Variants in RABEP1 observed in about 807,000 individuals in gnomAD.
The protein encoded by RABEP1 is rab GTPase-binding effector protein 1.
RABEP1 carries 51 observed loss-of-function variants against 123.4 expected under a neutral mutation model. The observed-to-expected ratio is 0.41, with a 90% confidence interval of 0.33 to 0.52. RABEP1 has a LOEUF of 0.52. Ranked by LOEUF, RABEP1 falls within the 20% of genes least tolerant of loss-of-function variation. The pLI, the probability that RABEP1 is intolerant of heterozygous loss-of-function variation, is 0.16. For synonymous variants in RABEP1, 347 were observed against 355.2 expected, an observed-to-expected ratio of 0.98 and a Z score of 0.26; for missense variants, 888 against 996.3, an observed-to-expected ratio of 0.89 and a Z score of 1.46.
chr17:5,286,551 G>A (rs557626625), intron 1 of RABEP1, among the ~76,000 whole-genome samples: 3 of 152,230 alleles, frequency 2.0e-5, no homozygotes, highest in East Asian at 1.9e-4. Flanking sequence ...ATTCTATGCC[G>A]AATCCTATGC....
rs552584846 is a variant in RABEP1 at position 5,386,122 on chromosome 17, A to G, written c.*2899A>G. On this transcript the variant is annotated 3_prime_UTR_variant, in exon 18 of 18. Transcript: ENST00000537505. ...AAGGTCATCAAAACACCTTTTTATA[A>G]ATTAGATAATTCTACCTGTTTTACA... 6 of 1,019,042 alleles carry G rather than the reference A, an allele frequency of 5.9e-6. No individual in the cohort carries two copies. The African/African-American group carries it at 9.9e-5, about 17-fold the overall frequency. 63.1% of individuals were successfully genotyped at this position (1,019,042 alleles called of 1,614,324 possible). A position where few individuals can be genotyped will look rare whatever the true frequency, so the allele number is the denominator to read the frequency against.
chr17:5,354,490 G>C lies in RABEP1; in HGVS notation c.1095G>C (p.Glu365Asp). 1 of 1,599,578 alleles carries C rather than the reference G, an allele frequency of 6.3e-7. No homozygotes were observed. Among genetic ancestry groups the C allele is most frequent in the Non-Finnish European group, 8.5e-7 (1 of 1,176,006 alleles). The change falls in exon 8 of 18, where the codon GAG becomes GAC. Residue 365 changes from glutamate (E) to aspartate (D), a missense_variant and splice_region_variant. Physicochemically the swap from Glu to Asp is conservative, Grantham distance 45 (BLOSUM62 2). Coordinates refer to ENST00000537505, the MANE Select transcript of RABEP1 (RefSeq NM_004703.6). ...CTTCAGCCCAGTTATCAAATGAAGAGGTATAGTGAGTCTATAATTAAAGTC... is the reference window on the plus strand; with the variant it reads ...CTTCAGCCCAGTTATCAAATGAAGACGTATAGTGAGTCTATAATTAAAGTC... ...EESSAQLSNE[E>D]EHLDSTRGSV...
At chr17:5,312,887 A>C (rs927948427) in intron 2 of RABEP1, among the ~76,000 whole-genome samples, 5 of 152,098 alleles carry the variant, frequency 3.3e-5, no homozygotes, top group Non-Finnish European at 7.4e-5. Context: ...CGGGTGGATC[A>C]CCTGAGGTCA....
intron 7 of RABEP1, among the ~76,000 whole-genome samples, chr17:5,352,442 C>T (rs1041347753): frequency 6.6e-6 from 1 of 151,812 alleles, no homozygotes; most frequent in Non-Finnish European, 1.5e-5. Context: ...ATCTGCCCGT[C>T]TCGGCCTCCC....
At chr17:5,327,984 G>C (rs1906143692) in intron 2 of RABEP1, among the ~76,000 whole-genome samples, 1 of 152,178 alleles carries the variant, frequency 6.6e-6, no homozygotes, top group South Asian at 2.1e-4. Flanking sequence ...TTTCACACCT[G>C]ATACCTGTGA....
intron 2 of RABEP1, among the ~76,000 whole-genome samples, chr17:5,309,888 G>A (rs1324882226): frequency 1.3e-5 from 2 of 152,110 alleles, no homozygotes; most frequent in Non-Finnish European, 2.9e-5. Context: ...AAATGTTTGG[G>A]TCCCACCCAG....
chr17:5,367,199 A>G (rs1910075023), intron 11 of RABEP1, among the ~76,000 whole-genome samples: 2 of 152,032 alleles, frequency 1.3e-5, no homozygotes. Flanking sequence ...CCTATATTAT[A>G]GAGGTTTTAT....
intron 1 of RABEP1, among the ~76,000 whole-genome samples, chr17:5,295,388 CAAAA>C (rs34686821): frequency 1.7e-5 from 2 of 120,406 alleles, no homozygotes; most frequent in Non-Finnish European, 1.8e-5. Flanking sequence ...GATTCCGTCT[CAAAA>C]AAAAAAAAAA....
At chr17:5,285,842 T>C (rs1484942946) in intron 1 of RABEP1, among the ~76,000 whole-genome samples, 2 of 118,234 alleles carry the variant, frequency 1.7e-5, no homozygotes, top group Non-Finnish European at 3.3e-5. Flanking sequence ...GTTGTAGGCC[T>C]TCTTCATTCT....
At chr17:5,308,623 A>G (rs1304728790) in intron 1 of RABEP1, 71 bp from the exon 2 acceptor site, 2 of 1,391,564 alleles carry the variant, frequency 1.4e-6, no homozygotes, top group African/African-American at 1.5e-5. Context: ...TACAGCTAGA[A>G]TACTAATTTA....
chr17:5,347,410 AAAACAAACAAACAAAC>A (rs72095260), intron 6 of RABEP1, among the ~76,000 whole-genome samples: 110 of 150,338 alleles, frequency 7.3e-4, no homozygotes, highest in East Asian at 5.1e-3. Flanking sequence ...ACTTCATCTC[AAAACAAACAAACAAAC>A]AAACAAACAA....
chr17:5,309,252 T>C (rs1450052911), intron 2 of RABEP1, among the ~76,000 whole-genome samples: 2 of 152,220 alleles, frequency 1.3e-5, no homozygotes, highest in African/African-American at 2.4e-5. Context: ...GACATTATAC[T>C]TGTGTTGGGT....
At position 5,373,433 on chromosome 17, in the gene RABEP1, C is replaced by A. The variant is rs760881230; in HGVS notation, c.2004C>A (p.Phe668Leu). The A allele has an allele frequency of 1.2e-6, 2 of 1,612,176 alleles. No individual in the cohort carries two copies. Among genetic ancestry groups the A allele is most frequent in the South Asian group, 2.2e-5 (2 of 90,720 alleles). Residue 668 changes from phenylalanine (F) to leucine (L), a missense_variant, in exon 13 of 18, where the codon TTC becomes TTA. Transcript: ENST00000537505. The part of the protein sequence containing the change: ...LHVSLQQAED[F>L]ILPDTTEALR... ...TGTCATTACAGCAAGCAGAAGACTT[C>A]ATCCTCCCAGACACTACAGAGGTAA...
At chr17:5,294,633 CT>C (rs1185209680) in intron 1 of RABEP1, among the ~76,000 whole-genome samples, 23 of 53,020 alleles carry the variant, frequency 4.3e-4, no homozygotes, top group South Asian at 2.3e-3. Flanking sequence ...ACGGTATTGT[CT>C]TTTTTTTTTT....
intron 11 of RABEP1, among the ~76,000 whole-genome samples, chr17:5,366,814 G>A (rs1910033345): frequency 1.3e-5 from 2 of 151,790 alleles, no homozygotes; most frequent in South Asian, 4.2e-4. Context: ...ATTTGGCCGG[G>A]CACGGTGGCT....
chr17:5,320,818 G>GA (rs1187128643), intron 2 of RABEP1, among the ~76,000 whole-genome samples: 2 of 152,122 alleles, frequency 1.3e-5, no homozygotes, highest in African/African-American at 4.8e-5. Context: ...CATACTACCA[G>GA]AAAAAATCAC....
intron 12 of RABEP1, among the ~76,000 whole-genome samples, chr17:5,372,315 C>T (rs1316819652): frequency 1.3e-5 from 2 of 152,002 alleles, no homozygotes; most frequent in East Asian, 1.9e-4. Flanking sequence ...CGTGGTGGTG[C>T]GTGCCTGTAG....
chr17:5,333,865 A>G (rs1334890348), intron 3 of RABEP1, among the ~76,000 whole-genome samples: 5 of 152,244 alleles, frequency 3.3e-5, no homozygotes, highest in African/African-American at 4.8e-5. Context: ...AAAATTTTCT[A>G]GAAGTACCCA....
intron 5 of RABEP1, among the ~76,000 whole-genome samples, chr17:5,345,704 A>C (rs777623769): frequency 6.6e-6 from 1 of 152,186 alleles, no homozygotes; most frequent in Non-Finnish European, 1.5e-5. Context: ...TGAAGCATCA[A>C]ATGATTGCTT....
Sources: allele counts gnomAD v4.1 joint callset (sites outside exome capture counted in the v4.1 genomes callset), GRCh38; gene constraint gnomAD v4.1.1; transcripts MANE v1.5; gene names NCBI Gene and HGNC (gene_info 2026-07-23, HGNC 2026-07-21).